Variants in GMEB2 observed in about 807,000 individuals in gnomAD.
GMEB2 encodes glucocorticoid modulatory element-binding protein 2.
In GMEB2, 7 loss-of-function variants were observed where a neutral mutation model predicts 45.7. The observed-to-expected ratio is 0.15, with a 90% CI of 0.09 to 0.29. The LOEUF (loss-of-function observed/expected upper bound fraction) is 0.29. GMEB2 is among the 10% of genes least tolerant of loss of function. The probability of loss-of-function intolerance (pLI) is 1.00; values close to 1 mark genes in which losing one functional copy is unlikely to be tolerated. For missense variants in GMEB2, 582 were observed against 739.2 expected, an observed-to-expected ratio of 0.79 and a Z score of 2.47; for synonymous variants, 322 against 323.6, an observed-to-expected ratio of 1.00 and a Z score of 0.05.
intron 1 of GMEB2, among the ~76,000 whole-genome samples, chr20:63,620,562 T>G (rs972186418): frequency 5.3e-5 from 8 of 152,130 alleles, no homozygotes; most frequent in African/African-American, 1.9e-4. Context: ...GTCCTGACCC[T>G]AAAGGGCAAA....
At chr20:63,623,167 T>C (rs2089650304) in intron 1 of GMEB2, among the ~76,000 whole-genome samples, 1 of 152,106 alleles carries the variant, frequency 6.6e-6, no homozygotes, top group South Asian at 2.1e-4. Flanking sequence ...ATTGTTTAAA[T>C]GAGGAAAAAA....
At position 63,590,810 on chromosome 20, in the gene GMEB2, C is replaced by T. The variant is rs916917658; in HGVS notation, c.953-81G>A. 1.6e-5 allele frequency: 15 copies of T among 910,138 alleles called. No homozygotes were observed. In the South Asian group the frequency reaches 2.0e-4, roughly 12 times the overall value. The allele number at this position is 910,138 out of a possible 1,614,324, so 56.4% of individuals were successfully genotyped here. A position where few individuals can be genotyped will look rare whatever the true frequency, so the allele number is the denominator to read the frequency against. The stretch of plus-strand genomic sequence containing the variant: ...GCAGGGGATGGGGGCAGACACGCCA[C>T]ACCATCTGGGTGGCCCCTGGGTCAG... On this transcript the variant is annotated intron_variant, in intron 9 of 9. Transcript: ENST00000370077.
chr20:63,626,992 GGGCGGCGGCGTCGGGAGCTGC>G lies in GMEB2; in HGVS notation c.-115_-95del, dbSNP rs1282788902. The G allele has an allele frequency of 6.7e-6, 1 of 148,740 alleles. No individual in the cohort carries two copies. Among genetic ancestry groups the G allele is most frequent in the Non-Finnish European group, 1.5e-5 (1 of 67,330 alleles). 9.2% of individuals were successfully genotyped at this position (148,740 alleles called of 1,614,324 possible). A position where few individuals can be genotyped will look rare whatever the true frequency, so the allele number is the denominator to read the frequency against. ...CCGGGCCTGCTTAGGCACCCGGCGG[GGGCGGCGGCGTCGGGAGCTGC>G]GGCGGCGGCGGGCGGCGGCGGCGGC... On this transcript the variant is annotated 5_prime_UTR_variant, in exon 1 of 10. Transcript: ENST00000370077.
At chr20:63,616,465 C>A (rs985443807) in intron 2 of GMEB2, among the ~76,000 whole-genome samples, 1 of 152,254 alleles carries the variant, frequency 6.6e-6, no homozygotes, top group East Asian at 1.9e-4. Context: ...AAAAATAACA[C>A]ACACGTGAAT....
chr20:63,593,102 T>A lies in GMEB2; in HGVS notation c.620-20A>T. On this transcript the variant is annotated intron_variant, in intron 6 of 9. Coordinates refer to ENST00000370077, the MANE Select transcript of GMEB2 (RefSeq NM_012384.5). This position sits in a 1 kb window ranked among gnomAD's most constrained non-coding sequence, Gnocchi z 4.7. ...CATTCACTGCAGCCGAAAGGGAACC[T>A]CGGGTGAGTGCTGTTTGGACCACAG... 1 of 1,547,420 alleles carries A rather than the reference T, an allele frequency of 6.5e-7. No homozygotes were observed. The highest frequency in any genetic ancestry group is 8.9e-7 in the Non-Finnish European group (1 of 1,122,654).
chr20:63,603,705 GCACTCCAGCCTGGGTGACAGAGCAA>G (rs2089495744), intron 3 of GMEB2, among the ~76,000 whole-genome samples: 1 of 151,428 alleles, frequency 6.6e-6, no homozygotes, highest in African/African-American at 2.4e-5. Flanking sequence ...TCGCGCCACC[GCACTCCAGCCTGGGTGACAGAGCAA>G]GACTCCCTCT....
chr20:63,618,450 C>T (rs755153588), intron 2 of GMEB2, among the ~76,000 whole-genome samples: 17 of 152,160 alleles, frequency 1.1e-4, no homozygotes, highest in Non-Finnish European at 1.9e-4. Context: ...GAACTCAGGG[C>T]CAGGTCCTCC....
chr20:63,588,038 T>A lies in GMEB2; in HGVS notation c.*2051A>T, dbSNP rs1293753193. On this transcript the variant is annotated 3_prime_UTR_variant, in exon 10 of 10. Coordinates refer to ENST00000370077, the MANE Select transcript of GMEB2 (RefSeq NM_012384.5). ...CTGCCAGAAGCAGCTGGGTTGGCGG[T>A]AGATGTCCCCGAGGGCCTTGGGAAG... 4 of 152,376 alleles carry A rather than the reference T, an allele frequency of 2.6e-5. No individual in the cohort carries two copies. Among genetic ancestry groups the A allele is most frequent in the Admixed American group, 2.6e-4 (4 of 15,288 alleles). 9.4% of individuals were successfully genotyped at this position (152,376 alleles called of 1,614,324 possible).
chr20:63,625,045 CA>C (rs1293182643), intron 1 of GMEB2, among the ~76,000 whole-genome samples: 2 of 152,150 alleles, frequency 1.3e-5, no homozygotes, highest in Non-Finnish European at 2.9e-5. Context: ...GCAATATGCA[CA>C]AAAGTTACCT....
At chr20:63,596,560 G>C (rs2083202234) in intron 5 of GMEB2, among the ~76,000 whole-genome samples, 1 of 152,222 alleles carries the variant, frequency 6.6e-6, no homozygotes. Flanking sequence ...GAAAATCAGA[G>C]GCCAGTTCAG....
In GMEB2 at chr20:63,590,634, C is replaced by G; in HGVS notation, c.1048G>C (p.Val350Leu). 3.8e-6 allele frequency: 6 copies of G among 1,588,260 alleles called. No individual in the cohort carries two copies. Among genetic ancestry groups the G allele is most frequent in the Non-Finnish European group, 5.1e-6 (6 of 1,165,724 alleles). The change falls in exon 10 of 10, where the codon GTC becomes CTC. Residue 350 changes from valine (V) to leucine (L), a missense_variant. By Grantham distance (32) the Val-to-Leu change is conservative. Coordinates refer to ENST00000370077, the MANE Select transcript of GMEB2 (RefSeq NM_012384.5). The part of the protein sequence containing the change: ...LSNVLMTLTP[V>L]SLPPPVKRPR... ...CGCTTCACAGGCGGTGGCAGGGAGA[C>G]CGGCGTCAGCGTCATGAGCACGTTG...
At chr20:63,590,801 G>T in intron 9 of GMEB2, 72 bp from the exon 10 acceptor site, 1 of 953,944 alleles carries the variant, frequency 1.0e-6, no homozygotes, top group Non-Finnish European at 1.5e-6. Flanking sequence ...GATGGGGGCA[G>T]ACACGCCACA....
intron 5 of GMEB2, among the ~76,000 whole-genome samples, chr20:63,596,299 G>A (rs1183848756): frequency 4.6e-5 from 7 of 152,248 alleles, no homozygotes; most frequent in South Asian, 2.1e-4. Context: ...GGAAGGCTTC[G>A]TACGGCCCAA....
At chr20:63,618,511 C>T (rs1315204186) in intron 2 of GMEB2, among the ~76,000 whole-genome samples, 1 of 152,208 alleles carries the variant, frequency 6.6e-6, no homozygotes, top group African/African-American at 2.4e-5. Context: ...TGACCTACAC[C>T]GCACAGGGGT....
chr20:63,597,710 G>A, intron 5 of GMEB2, 47 bp downstream of exon 5: 1 of 1,037,282 alleles, frequency 9.6e-7, no homozygotes, highest in Non-Finnish European at 1.5e-6. Flanking sequence ...AGCAAGAGCT[G>A]CCAGGGCCCC....
chr20:63,599,482 T>C (rs1044793646), intron 4 of GMEB2, among the ~76,000 whole-genome samples: 4 of 152,210 alleles, frequency 2.6e-5, no homozygotes, highest in Non-Finnish European at 5.9e-5. Context: ...TCTGGAAACG[T>C]CTTTCTTCCA....
chr20:63,597,704 A>G, intron 5 of GMEB2, 53 bp downstream of exon 5: 1 of 990,398 alleles, frequency 1.0e-6, no homozygotes, highest in South Asian at 1.3e-5. Context: ...CAAGAAAGCA[A>G]GAGCTGCCAG....
chr20:63,590,394 C>T lies in GMEB2; in HGVS notation c.1288G>A (p.Gly430Arg), dbSNP rs750996909. The T allele has an allele frequency of 6.9e-6, 11 of 1,587,474 alleles. No individual in the cohort carries two copies. Among genetic ancestry groups the T allele is most frequent in the African/African-American group, 2.7e-5 (2 of 74,500 alleles). The change falls in exon 10 of 10, where the codon GGA (glycine) becomes AGA (arginine). Residue 430 changes from glycine (G) to arginine (R), a missense_variant. Gly to Arg is a moderately radical substitution (Grantham distance 125). Coordinates refer to ENST00000370077, the MANE Select transcript of GMEB2 (RefSeq NM_012384.5). Reference protein sequence around the residue: ...ASSPASPLLGGYTVLASSGST... With the variant: ...ASSPASPLLGRYTVLASSGST... ...CCGGAAGAGGCCAAGACTGTGTATC[C>T]CCCGAGCAGCGGGGAGGCCGGGGAG...
chr20:63,597,648 TCA>T, intron 5 of GMEB2, 107 bp downstream of exon 5: 1 of 694,442 alleles, frequency 1.4e-6, no homozygotes, highest in South Asian at 1.6e-5. Context: ...TTGTCAGCAC[TCA>T]CCACATCTAA....
Sources: gnomAD v4.1 joint callset for allele counts (sites outside exome capture counted in the v4.1 genomes callset) on GRCh38, gnomAD v4.1.1 for gene constraint, Gnocchi (gnomAD v3.1) non-coding constraint, MANE v1.5 for transcripts, NCBI Gene and HGNC (gene_info 2026-07-23, HGNC 2026-07-21) for gene names.